The following CEP112 variants were observed in gnomAD, a reference collection of about 807,000 sequenced individuals.
CEP112 encodes the protein centrosomal protein 112.
CEP112 carries 127 observed loss-of-function variants against 153.0 expected under a neutral mutation model. The observed-to-expected ratio is 0.83, with a 90% CI of 0.72 to 0.96. The LOEUF (loss-of-function observed/expected upper bound fraction) is 0.96. Among genes scored for constraint, CEP112 ranks in the 40% least tolerant of loss-of-function variants. The probability of loss-of-function intolerance (pLI) is 0.00; values close to 1 mark genes in which losing one functional copy is unlikely to be tolerated. For missense variants in CEP112, 1,089 were observed against 1,101.2 expected (o/e 0.99, Z 0.16); for synonymous variants, 358 against 374.4 (o/e 0.96, Z 0.51).
chr17:66,087,674 A>T (rs1249167569), intron 8 of CEP112, among the ~76,000 whole-genome samples: 1 of 152,202 alleles, frequency 6.6e-6, no homozygotes, highest in Non-Finnish European at 1.5e-5. Flanking sequence ...AGCTAAGTAA[A>T]CAAGGTGAAA....
At chr17:65,659,950 C>A (rs1304241646) in intron 24 of CEP112, among the ~76,000 whole-genome samples, 1 of 152,108 alleles carries the variant, frequency 6.6e-6, no homozygotes, top group South Asian at 2.1e-4. Context: ...AAACTGCTAG[C>A]TGAGGAAAGG....
At chr17:65,985,980 G>A (rs1285462696) in intron 17 of CEP112, among the ~76,000 whole-genome samples, 2 of 151,992 alleles carry the variant, frequency 1.3e-5, no homozygotes, top group African/African-American at 4.8e-5. Flanking sequence ...AAGTGATGAT[G>A]CTGACTTATC....
chr17:66,118,715 G>T (rs1272304252), intron 6 of CEP112, among the ~76,000 whole-genome samples: 1 of 152,072 alleles, frequency 6.6e-6, no homozygotes, highest in Non-Finnish European at 1.5e-5. Context: ...TGAAAAATGG[G>T]ATTGAAATAT....
At chr17:66,095,594 T>G (rs982745702) in intron 8 of CEP112, among the ~76,000 whole-genome samples, 1 of 152,200 alleles carries the variant, frequency 6.6e-6, no homozygotes, top group South Asian at 2.1e-4. Context: ...AGATCTATTG[T>G]ACAGCATAGT....
chr17:66,179,428 G>T (rs1176146335), intron 2 of CEP112, among the ~76,000 whole-genome samples: 3 of 151,604 alleles, frequency 2.0e-5, no homozygotes, highest in Admixed American at 2.0e-4. Context: ...TAATTCCTAG[G>T]TATTTTATTT....
intron 6 of CEP112, among the ~76,000 whole-genome samples, chr17:66,124,993 G>A (rs933035220): frequency 1.3e-5 from 2 of 152,046 alleles, no homozygotes; most frequent in Non-Finnish European, 2.9e-5. Context: ...AAGCTTTGGG[G>A]AAAATGCTAT....
At chr17:65,785,490 T>C (rs949117485) in intron 21 of CEP112, among the ~76,000 whole-genome samples, 7 of 152,248 alleles carry the variant, frequency 4.6e-5, no homozygotes, top group African/African-American at 1.4e-4. Flanking sequence ...GTCTGTCTTG[T>C]TGATTACATC....
At chr17:65,852,279 T>A (rs2057967598) in intron 20 of CEP112, among the ~76,000 whole-genome samples, 1 of 20,248 alleles carries the variant, frequency 4.9e-5, no homozygotes, top group Non-Finnish European at 9.1e-5. Flanking sequence ...CCTCCCTCCT[T>A]CCCTTCCCCT....
At chr17:66,048,188 T>C (rs2066292575) in intron 12 of CEP112, among the ~76,000 whole-genome samples, 1 of 152,116 alleles carries the variant, frequency 6.6e-6, no homozygotes, top group African/African-American at 2.4e-5. Context: ...CTGACTGTAT[T>C]TGTAAAAGGA....
chr17:65,995,874 G>C (rs891814592), intron 17 of CEP112, among the ~76,000 whole-genome samples: 2 of 152,020 alleles, frequency 1.3e-5, no homozygotes, highest in African/African-American at 4.8e-5. Flanking sequence ...GGTTTACAAG[G>C]GAAAACTCCT....
At chr17:66,173,764 A>G (rs747242637) in intron 4 of CEP112, among the ~76,000 whole-genome samples, 7 of 152,182 alleles carry the variant, frequency 4.6e-5, no homozygotes, top group African/African-American at 7.2e-5. Flanking sequence ...GAATGTAAAA[A>G]TAAGTATTTT....
intron 24 of CEP112, among the ~76,000 whole-genome samples, chr17:65,665,873 C>A (rs1051378138): frequency 6.6e-6 from 1 of 152,292 alleles, no homozygotes; most frequent in Admixed American, 6.5e-5. Context: ...AGCAGTCCCC[C>A]AGCAAGGTAG....
chr17:66,100,391 T>G (rs1476946955), intron 6 of CEP112, among the ~76,000 whole-genome samples: 5 of 127,786 alleles, frequency 3.9e-5, no homozygotes, highest in African/African-American at 9.0e-5. Context: ...CAGAGTGAGA[T>G]TCCCGTCTCA....
intron 8 of CEP112, among the ~76,000 whole-genome samples, chr17:66,095,797 T>C (rs903534583): frequency 2.6e-5 from 4 of 152,108 alleles, no homozygotes; most frequent in Admixed American, 6.5e-5. Flanking sequence ...TTTGTCCAGG[T>C]GTGGTGGCTC....
intron 2 of CEP112, among the ~76,000 whole-genome samples, chr17:66,180,569 G>A (rs2072680312): frequency 6.6e-6 from 1 of 152,008 alleles, no homozygotes; most frequent in Admixed American, 6.6e-5. Flanking sequence ...TTGATTGAGG[G>A]TTTTAACATC....
chr17:65,826,224 C>T, intron 21 of CEP112: 1 of 1,614,176 alleles, frequency 6.2e-7, no homozygotes, highest in South Asian at 1.1e-5. Context: ...TTACCATTCT[C>T]TTCTCTCATC....
At chr17:65,860,914 T>C (rs1411488848) in intron 20 of CEP112, among the ~76,000 whole-genome samples, 3 of 152,194 alleles carry the variant, frequency 2.0e-5, no homozygotes, top group African/African-American at 4.8e-5. Flanking sequence ...CAGTGGAATA[T>C]TATTCAGCAA....
intron 8 of CEP112, among the ~76,000 whole-genome samples, chr17:66,082,422 A>G: frequency 6.6e-6 from 1 of 152,218 alleles, no homozygotes; most frequent in East Asian, 1.9e-4. Flanking sequence ...ATAACATATG[A>G]GAAATATGCC....
At chr17:65,649,376 C>G (rs921328852) in intron 24 of CEP112, among the ~76,000 whole-genome samples, 1 of 152,014 alleles carries the variant, frequency 6.6e-6, no homozygotes, top group African/African-American at 2.4e-5. Context: ...TCTGCATAGT[C>G]CTTTATTATC....
Sources: allele counts gnomAD v4.1 joint callset (sites outside exome capture counted in the v4.1 genomes callset), GRCh38; gene constraint gnomAD v4.1.1; transcripts MANE v1.5; gene names NCBI Gene and HGNC (gene_info 2026-07-23, HGNC 2026-07-21).